The following PSD4 variants were observed in gnomAD, a reference collection of about 807,000 sequenced individuals.
PSD4 encodes the protein pleckstrin and Sec7 domain containing 4.
PSD4 carries 59 observed loss-of-function variants against 112.5 expected under a neutral mutation model. That is an observed-to-expected ratio of 0.52 (90% CI 0.43 to 0.65). PSD4 has a LOEUF of 0.65. PSD4 is among the 30% of genes least tolerant of loss of function. The probability of loss-of-function intolerance (pLI) is 0.00; values close to 1 mark genes in which losing one functional copy is unlikely to be tolerated. For missense variants in PSD4, 1,267 were observed against 1,352.6 expected (o/e 0.94, Z 0.99); for synonymous variants, 533 against 540.0 (o/e 0.99, Z 0.18).
Position 113,193,345 on chromosome 2 carries a change from C to T in PSD4, c.2007C>T (p.Cys669=), listed in dbSNP as rs775033067. The T allele has an allele frequency of 2.4e-5, 39 of 1,604,808 alleles. No individual in the cohort carries two copies. Among genetic ancestry groups the T allele is most frequent in the Non-Finnish European group, 3.3e-5 (39 of 1,177,332 alleles). Reference sequence around the variant, plus strand: ...AGTTCTCCAGACGCTTCCACCATTGCAATCCGGGGATCTTCCCCTCAGTAG... The same window carrying T: ...AGTTCTCCAGACGCTTCCACCATTGTAATCCGGGGATCTTCCCCTCAGTAG... The part of the protein sequence containing the change: ...LYQFSRRFHH[C]NPGIFPSVDS... The change falls in exon 8 of 17, where the codon TGC becomes TGT. Residue 669 remains cysteine (C), a synonymous_variant. Transcript: ENST00000245796.
In PSD4 at chr2:113,206,002, G is replaced by A. The variant is rs1001375787; in HGVS notation, c.*4587G>A. 6 of 152,224 alleles carry A rather than the reference G, an allele frequency of 3.9e-5. No individual in the cohort carries two copies. Among genetic ancestry groups the A allele is most frequent in the African/African-American group, 1.4e-4 (6 of 41,422 alleles). The allele number at this position is 152,224 out of a possible 1,614,324, so 9.4% of individuals were successfully genotyped here. ...TCCCTTCATTTTCCCTTCTCCAGAG[G>A]AAGAGGTGCTCTCCACAAGCCTGTG... On this transcript the variant is annotated 3_prime_UTR_variant, in exon 17 of 17. Transcript: ENST00000245796.
At chr2:113,198,383 T>C (rs1688671129) in intron 14 of PSD4, among the ~76,000 whole-genome samples, 1 of 152,246 alleles carries the variant, frequency 6.6e-6, no homozygotes, top group Admixed American at 6.5e-5. Flanking sequence ...GCGATTCTCA[T>C]GCCTGAGCCT....
In PSD4 at chr2:113,201,598, T is replaced by A; in HGVS notation, c.*183T>A. On this transcript the variant is annotated 3_prime_UTR_variant, in exon 17 of 17. Coordinates refer to ENST00000245796, the MANE Select transcript of PSD4 (RefSeq NM_012455.3). ...GTGCTCCCTGAAGCTTTCCTAATAT[T>A]GCTGTGCTCCCCACCACCCCCATGG... 2 of 853,902 alleles carry A rather than the reference T, an allele frequency of 2.3e-6. No homozygotes were observed. Among genetic ancestry groups the A allele is most frequent in the Non-Finnish European group, 3.5e-6 (2 of 566,756 alleles). The allele number at this position is 853,902 out of a possible 1,614,324, so 52.9% of individuals were successfully genotyped here.
chr2:113,195,683 A>C lies in PSD4; in HGVS notation c.2182-44A>C. 1.9e-6 allele frequency: 3 copies of C among 1,612,996 alleles called. No individual in the cohort carries two copies. In the South Asian group the frequency reaches 3.3e-5, roughly 18 times the overall value. ...GCCAGACAAAGAGACTTTAGGCTCC[A>C]CAGCCCTGAGGCTCCCCTGCCCACC... On this transcript the variant is annotated intron_variant, in intron 10 of 16. Transcript: ENST00000245796.
At position 113,193,352 on chromosome 2, in the gene PSD4, G is replaced by C. The variant is rs1688509674; in HGVS notation, c.2014G>C (p.Gly672Arg). 6 of 1,605,128 alleles carry C rather than the reference G, an allele frequency of 3.7e-6. No individual in the cohort carries two copies. In the East Asian group the frequency reaches 1.3e-4, roughly 36 times the overall value. ...CAGACGCTTCCACCATTGCAATCCG[G>C]GGATCTTCCCCTCAGTAGGTAGGGA... Reference protein sequence around the residue: ...FSRRFHHCNPGIFPSVDSVHT... With the variant: ...FSRRFHHCNPRIFPSVDSVHT... The change falls in exon 8 of 17, where the codon GGG becomes CGG. Residue 672 changes from glycine to arginine, a missense_variant. Gly to Arg is a moderately radical substitution (Grantham distance 125). Coordinates refer to ENST00000245796, the MANE Select transcript of PSD4 (RefSeq NM_012455.3).
In PSD4 at chr2:113,192,464, A is replaced by G; in HGVS notation, c.1713A>G (p.Arg571=). 1.2e-6 allele frequency: 2 copies of G among 1,614,224 alleles called. No homozygotes were observed. The highest frequency in any genetic ancestry group is 1.7e-6 in the Non-Finnish European group (2 of 1,180,034). Residue 571 remains arginine, a synonymous_variant, in exon 6 of 17, where the codon AGA becomes AGG. Coordinates refer to ENST00000245796, the MANE Select transcript of PSD4 (RefSeq NM_012455.3). ...PQAQSPEEGQ[R]PPAGDKLANG... is the part of the protein sequence containing the mutation. ...CACAGTCCCCAGAGGAAGGCCAGAG[A>G]CCACCAGCTGGAGACAAGCTAGCTA...
rs1480546090 is a variant in PSD4, at chr2:113,183,276, C to T, written c.820C>T (p.His274Tyr). The change falls in exon 2 of 17, where the codon CAT becomes TAT. Residue 274 changes from histidine (H) to tyrosine (Y), a missense_variant. By Grantham distance (83) the His-to-Tyr change is moderately conservative (BLOSUM62 2). Transcript: ENST00000245796. ...CTTTTCCTGGGGGGCTTCAGACTCCCATGCAGGTGTGAGGACTGGACCTGA... is the reference window on the plus strand; with the variant it reads ...CTTTTCCTGGGGGGCTTCAGACTCCTATGCAGGTGTGAGGACTGGACCTGA... ...ECFSWGASDS[H>Y]AGVRTGPESP... 6.2e-7 allele frequency: 1 copy of T among 1,613,900 alleles called. No homozygotes were observed. The highest frequency in any genetic ancestry group is 8.5e-7 in the Non-Finnish European group (1 of 1,179,900).
rs1688477742 is a variant in PSD4, at chr2:113,192,605, C to T, written c.1838+16C>T. On this transcript the variant is annotated intron_variant, in intron 6 of 16. Transcript: ENST00000245796. ...TGCAGAAGAAGTAAGGGGCTTTGAG[C>T]CTGGGGAAGGCTGGAGGCTGAGGCA... 2 of 1,612,340 alleles carry T rather than the reference C, an allele frequency of 1.2e-6. No individual in the cohort carries two copies. Among genetic ancestry groups the T allele is most frequent in the East Asian group, 2.2e-5 (1 of 44,856 alleles).
chr2:113,189,744 T>A (rs1688399785), intron 5 of PSD4, among the ~76,000 whole-genome samples: 1 of 152,242 alleles, frequency 6.6e-6, no homozygotes, highest in African/African-American at 2.4e-5. Flanking sequence ...TGGTTTTGAT[T>A]TGCATTTCCC....
chr2:113,199,316 G>C, intron 16 of PSD4, 90 bp downstream of exon 16: 1 of 1,289,908 alleles, frequency 7.8e-7, no homozygotes. Context: ...TCACTGCCCT[G>C]ACCGCGCCGG....
intron 2 of PSD4, among the ~76,000 whole-genome samples, chr2:113,183,726 G>A (rs112914200): frequency 1.3e-5 from 2 of 152,204 alleles, no homozygotes; most frequent in East Asian, 3.9e-4. Flanking sequence ...GATGTCAGCT[G>A]ATGTCAGCTG....
In PSD4 at chr2:113,208,058, T is replaced by C. The variant is rs62160781; in HGVS notation, c.*6643T>C. ...ATGCACCACCACACCCAGCTAATCT[T>C]TGTATTTTCAGTAGAGATGGGGTTT... On this transcript the variant is annotated 3_prime_UTR_variant, in exon 17 of 17. Coordinates refer to ENST00000245796, the MANE Select transcript of PSD4 (RefSeq NM_012455.3). 63,529 of 152,058 alleles carry C rather than the reference T, an allele frequency of 0.42. 14,582 individuals carry two copies. The highest frequency in any genetic ancestry group is 0.65 in the East Asian group (3,347 of 5,154). The allele number at this position is 152,058 out of a possible 1,614,324, so 9.4% of individuals were successfully genotyped here.
At chr2:113,174,463 G>A (rs1048873539) in intron 1 of PSD4, among the ~76,000 whole-genome samples, 2 of 152,168 alleles carry the variant, frequency 1.3e-5, no homozygotes, top group African/African-American at 2.4e-5. Context: ...TACCCAGTGG[G>A]GGCTTTTGTG....
chr2:113,196,615 G>T, intron 12 of PSD4: 1 of 287,444 alleles, frequency 3.5e-6, no homozygotes, highest in Non-Finnish European at 6.6e-6. Flanking sequence ...AGAGCTGAGT[G>T]TCTAGGGGCT....
At chr2:113,201,035 CTCTT>C in intron 16 of PSD4, 119 bp from the exon 17 acceptor site, 2 of 1,348,388 alleles carry the variant, frequency 1.5e-6, no homozygotes, top group South Asian at 1.4e-5. Context: ...TGGTCCAGCC[CTCTT>C]TCTGTCGAGG....
In PSD4 at chr2:113,207,623, ATT is replaced by A; in HGVS notation, c.*6214_*6215del. Reference sequence around the variant, plus strand: ...AGGCGCCCGCTACCATGCCCGGCTAATTTTTTTGTATTTTTAGTAGAGACGGG... The same window carrying A: ...AGGCGCCCGCTACCATGCCCGGCTAATTTTTGTATTTTTAGTAGAGACGGG... On this transcript the variant is annotated 3_prime_UTR_variant, in exon 17 of 17. Coordinates refer to ENST00000245796, the MANE Select transcript of PSD4 (RefSeq NM_012455.3). 1 of 150,902 alleles carries A rather than the reference ATT, an allele frequency of 6.6e-6. No homozygotes were observed. The highest frequency in any genetic ancestry group is 6.6e-5 in the Admixed American group (1 of 15,164). The allele number at this position is 150,902 out of a possible 1,614,324, so 9.3% of individuals were successfully genotyped here.
chr2:113,175,933 G>A (rs1269584522), intron 1 of PSD4, among the ~76,000 whole-genome samples: 4 of 152,212 alleles, frequency 2.6e-5, no homozygotes, highest in African/African-American at 9.7e-5. Flanking sequence ...GTGAAGTATA[G>A]CTTTATTGGG....
At chr2:113,185,308 C>G in intron 3 of PSD4, 57 bp from the exon 4 acceptor site, 4 of 1,605,350 alleles carry the variant, frequency 2.5e-6, no homozygotes, top group South Asian at 1.1e-5. Flanking sequence ...GGCCTCTCCC[C>G]CATCCACCTC....
At chr2:113,185,102 C>A (rs921990102) in intron 3 of PSD4, 29 bp downstream of exon 3, 2 of 1,613,672 alleles carry the variant, frequency 1.2e-6, no homozygotes, top group Admixed American at 1.7e-5. Flanking sequence ...CTGGGCCTTA[C>A]TTTCTCCATC....
Sources: allele counts gnomAD v4.1 joint callset (sites outside exome capture counted in the v4.1 genomes callset), GRCh38; gene constraint gnomAD v4.1.1; transcripts MANE v1.5; gene names NCBI Gene and HGNC (gene_info 2026-07-23, HGNC 2026-07-21).